Variants in VPS13B observed in about 807,000 individuals in gnomAD.
The protein encoded by VPS13B is intermembrane lipid transfer protein VPS13B.
A neutral mutation model predicts 426.4 loss-of-function variants in VPS13B; 285 were observed. The observed-to-expected ratio is 0.67, with a 90% confidence interval of 0.61 to 0.74. VPS13B has a LOEUF of 0.74. Ranked by LOEUF, VPS13B falls within the 30% of genes least tolerant of loss-of-function variation. The pLI, the probability that VPS13B is intolerant of heterozygous loss-of-function variation, is 0.00. For missense variants in VPS13B, 4,537 were observed against 4,782.6 expected, an observed-to-expected ratio of 0.95 and a Z score of 1.51; for synonymous variants, 1,676 against 1,676.4, an observed-to-expected ratio of 1.00 and a Z score of 0.01.
intron 25 of VPS13B, among the ~76,000 whole-genome samples, chr8:99,496,392 C>A (rs915145363): frequency 2.0e-5 from 3 of 152,190 alleles, no homozygotes; most frequent in African/African-American, 7.2e-5. Flanking sequence ...TGGCTCACGC[C>A]TGTAATCCCA....
chr8:99,597,784 G>A (rs912120405), intron 33 of VPS13B, among the ~76,000 whole-genome samples: 5 of 151,950 alleles, frequency 3.3e-5, no homozygotes, highest in Admixed American at 2.6e-4. Context: ...TAAGTCGTTG[G>A]TATTTGGCTC....
intron 32 of VPS13B, 126 bp from the exon 33 acceptor site, chr8:99,577,364 T>C: frequency 7.6e-7 from 1 of 1,321,262 alleles, no homozygotes; most frequent in Admixed American, 1.8e-5. Flanking sequence ...GCTCTTCTCC[T>C]TAATGTATGA....
Position 99,594,988 on chromosome 8 carries a change from T to A in VPS13B, c.5220+17355T>A, listed in dbSNP as rs138667213. 4.9e-3 allele frequency among the ~76,000 whole-genome samples: 752 copies of A among 152,130 alleles called. 6 individuals carry two copies. Among genetic ancestry groups the A allele is most frequent in the African/African-American group, 0.017 (711 of 41,508 alleles). On this transcript the variant is annotated intron_variant, in intron 33 of 61. Coordinates refer to ENST00000357162, the MANE Select transcript of VPS13B (RefSeq NM_152564.5). Reference sequence around the variant, plus strand: ...TTGCTGAAATTTTAGCTCTTTGCAATAGATGAAGCAACTGTTAAAGCTGCA... The same window carrying A: ...TTGCTGAAATTTTAGCTCTTTGCAAAAGATGAAGCAACTGTTAAAGCTGCA...
chr8:99,659,925 A>G (rs972620469), intron 34 of VPS13B, among the ~76,000 whole-genome samples: 5 of 152,178 alleles, frequency 3.3e-5, no homozygotes, highest in African/African-American at 1.2e-4. Flanking sequence ...GGGACCCAAA[A>G]TAGATGCCCA....
intron 57 of VPS13B, 96 bp downstream of exon 57, chr8:99,859,576 C>G: frequency 1.3e-6 from 2 of 1,507,298 alleles, no homozygotes; most frequent in Admixed American, 3.8e-5. Flanking sequence ...TTCAGATTGC[C>G]TCTAGCTTTG....
intron 39 of VPS13B, among the ~76,000 whole-genome samples, chr8:99,736,301 G>A (rs1015659044): frequency 5.3e-5 from 8 of 152,138 alleles, no homozygotes; most frequent in East Asian, 1.9e-4. Context: ...GGCTGGGCGC[G>A]GTGGCTCTCG....
intron 21 of VPS13B, among the ~76,000 whole-genome samples, chr8:99,417,588 A>G (rs1432851271): frequency 1.3e-5 from 2 of 152,190 alleles, no homozygotes; most frequent in Non-Finnish European, 2.9e-5. Context: ...AATTTAGGCC[A>G]GGAGAAAGGA....
intron 5 of VPS13B, among the ~76,000 whole-genome samples, chr8:99,106,879 G>A (rs1051034000): frequency 5.3e-5 from 8 of 152,188 alleles, no homozygotes; most frequent in Non-Finnish European, 1.2e-4. Flanking sequence ...TGGCGAGTTT[G>A]CAGGTCTGGT....
intron 61 of VPS13B, chr8:99,873,132 C>T (rs1817515508): frequency 6.6e-6 from 1 of 152,164 alleles, no homozygotes; most frequent in South Asian, 2.1e-4. Flanking sequence ...TAATGAGAAA[C>T]CTCCAAGGCC....
At chr8:99,457,524 G>A (rs1303723049) in intron 23 of VPS13B, among the ~76,000 whole-genome samples, 1 of 152,042 alleles carries the variant, frequency 6.6e-6, no homozygotes, top group South Asian at 2.1e-4. Context: ...TTGTCAGTTT[G>A]ATAATCTGTT....
chr8:99,292,482 A>AGATGT (rs1460384247), intron 19 of VPS13B, among the ~76,000 whole-genome samples: 4 of 152,142 alleles, frequency 2.6e-5, no homozygotes, highest in Non-Finnish European at 4.4e-5. Flanking sequence ...GCCCTCAGGG[A>AGATGT]GATGTGATCA....
chr8:99,502,741 T>C, intron 26 of VPS13B, 95 bp from the exon 27 acceptor site: 1 of 946,510 alleles, frequency 1.1e-6, no homozygotes, highest in Non-Finnish European at 1.7e-6. Context: ...TCTGTACATA[T>C]CCAGCATGCA....
At chr8:99,648,954 T>G (rs1280729535) in intron 34 of VPS13B, among the ~76,000 whole-genome samples, 1 of 152,092 alleles carries the variant, frequency 6.6e-6, no homozygotes, top group Non-Finnish European at 1.5e-5. Context: ...AGTACCTTTT[T>G]TTTTTTTCTC....
intron 39 of VPS13B, among the ~76,000 whole-genome samples, chr8:99,752,314 A>G (rs1810435759): frequency 6.6e-6 from 1 of 152,226 alleles, no homozygotes; most frequent in Admixed American, 6.5e-5. Context: ...CATATACCCT[A>G]AAGGGCCTCT....
chr8:99,210,983 A>G (rs1438296104), intron 17 of VPS13B, among the ~76,000 whole-genome samples: 1 of 152,176 alleles, frequency 6.6e-6, no homozygotes, highest in Non-Finnish European at 1.5e-5. Context: ...TGTGAGAACT[A>G]TCTCAGGTGA....
chr8:99,177,265 A>G (rs1588115708), intron 16 of VPS13B, among the ~76,000 whole-genome samples: 1 of 152,228 alleles, frequency 6.6e-6, no homozygotes, highest in East Asian at 1.9e-4. Flanking sequence ...GGGGCACTGC[A>G]TTATTTGAAA....
At chr8:99,389,045 A>T (rs1351259183) in intron 20 of VPS13B, among the ~76,000 whole-genome samples, 1 of 152,134 alleles carries the variant, frequency 6.6e-6, no homozygotes, top group Admixed American at 6.5e-5. Context: ...GCTACTAGGG[A>T]GGCTGAGGCA....
chr8:99,799,565 A>G (rs1420573000), intron 43 of VPS13B, among the ~76,000 whole-genome samples: 3 of 152,230 alleles, frequency 2.0e-5, no homozygotes, highest in African/African-American at 7.2e-5. Context: ...AAATGAAAAT[A>G]AATAACTGTA....
At chr8:99,339,432 C>G (rs1811116040) in intron 19 of VPS13B, among the ~76,000 whole-genome samples, 1 of 151,896 alleles carries the variant, frequency 6.6e-6, no homozygotes, top group South Asian at 2.1e-4. Flanking sequence ...TTTAAATGAC[C>G]AGATCTCATG....
Sources: gnomAD v4.1 joint callset for allele counts (sites outside exome capture counted in the v4.1 genomes callset) on GRCh38, gnomAD v4.1.1 for gene constraint, MANE v1.5 for transcripts, NCBI Gene and HGNC (gene_info 2026-07-23, HGNC 2026-07-21) for gene names.